The following NVL variants were observed in gnomAD, a reference collection of about 807,000 sequenced individuals.
NVL encodes the protein nuclear VCP like, also known as nuclear valosin-containing protein-like.
Under a neutral mutation model 110.2 loss-of-function variants are expected in NVL, and 84 were observed. The ratio of observed to expected loss-of-function variants is 0.76; its 90% CI spans 0.64 to 0.91. NVL has a LOEUF of 0.91. Among genes scored for constraint, NVL ranks in the 40% least tolerant of loss-of-function variants. NVL has a pLI of 0.00. For missense variants in NVL, 882 were observed against 1,035.9 expected (o/e 0.85, Z 2.04); for synonymous variants, 354 against 361.1 (o/e 0.98, Z 0.22).
At chr1:224,265,183 G>A (rs1445179701) in intron 18 of NVL, among the ~76,000 whole-genome samples, 2 of 152,060 alleles carry the variant, frequency 1.3e-5, no homozygotes, top group Non-Finnish European at 2.9e-5. Flanking sequence ...TGATTCATCT[G>A]CCATTTCTGC....
At chr1:224,317,853 A>C in intron 3 of NVL, 25 bp downstream of exon 3, 1 of 1,462,190 alleles carries the variant, frequency 6.8e-7, no homozygotes, top group Non-Finnish European at 9.1e-7. Context: ...TTTATTGATA[A>C]TTTAGCTCTA....
chr1:224,254,572 GTTTTTTTT>G (rs71168400), intron 18 of NVL, among the ~76,000 whole-genome samples: 1,769 of 134,242 alleles, frequency 0.013, 14 homozygotes, highest in Non-Finnish European at 0.018. Flanking sequence ...TGTTTTTTTT[GTTTTTTTT>G]TTTTTTGTAT....
chr1:224,239,219 C>T (rs1426969763), intron 19 of NVL, among the ~76,000 whole-genome samples: 6 of 151,990 alleles, frequency 3.9e-5, no homozygotes, highest in African/African-American at 4.8e-5. Context: ...TAACACTGGG[C>T]GAGGAATTAG....
intron 18 of NVL, among the ~76,000 whole-genome samples, chr1:224,259,822 C>CT (rs60297397): frequency 0.019 from 2,562 of 135,280 alleles, 70 homozygotes; most frequent in African/African-American, 0.058. Flanking sequence ...ACCCAGCTAA[C>CT]TTTTTTTTTT....
chr1:224,238,917 T>C (rs1038751898), intron 19 of NVL, among the ~76,000 whole-genome samples: 1 of 152,156 alleles, frequency 6.6e-6, no homozygotes, highest in Admixed American at 6.6e-5. Context: ...ATCACCCCTA[T>C]CCGGCTCCAG....
At position 224,326,446 on chromosome 1, in the gene NVL, A is replaced by G; in HGVS notation, c.76T>C (p.Cys26Arg). Residue 26 changes from cysteine to arginine, a missense_variant, in exon 2 of 23, where the codon TGT becomes CGT. Cys to Arg is a radical substitution (Grantham distance 180). Transcript: ENST00000281701. ...ACTCCAATGTCCACATATTTGCCAC[A>G]TTTGTTACTGGTAAGGTACTAAAAC... ...RVIQYLTSNK[C>R]GKYVDIGVLA... The G allele has an allele frequency of 6.2e-7, 1 of 1,611,874 alleles. No individual in the cohort carries two copies. Among genetic ancestry groups the G allele is most frequent in the Non-Finnish European group, 8.5e-7 (1 of 1,178,374 alleles).
At chr1:224,245,482 TC>T (rs1661699753) in intron 19 of NVL, among the ~76,000 whole-genome samples, 1 of 152,282 alleles carries the variant, frequency 6.6e-6, no homozygotes, top group Non-Finnish European at 1.5e-5. Flanking sequence ...TGCATGTGGG[TC>T]CTGCTCCTCC....
At chr1:224,295,535 G>C in intron 11 of NVL, among the ~76,000 whole-genome samples, 1 of 151,894 alleles carries the variant, frequency 6.6e-6, no homozygotes, top group Non-Finnish European at 1.5e-5. Flanking sequence ...AGCCATGAAA[G>C]CATTTTCTCA....
At chr1:224,252,109 G>A (rs924185889) in intron 18 of NVL, among the ~76,000 whole-genome samples, 1 of 151,958 alleles carries the variant, frequency 6.6e-6, no homozygotes, top group Non-Finnish European at 1.5e-5. Flanking sequence ...CAGATGTCTT[G>A]CTGTTCCCTA....
intron 19 of NVL, among the ~76,000 whole-genome samples, chr1:224,242,837 T>TC (rs913056748): frequency 1.3e-5 from 2 of 151,090 alleles, no homozygotes; most frequent in African/African-American, 4.9e-5. Context: ...TTTTTTTTTT[T>TC]TTTTTTGAGA....
chr1:224,307,988 T>G lies in NVL; in HGVS notation c.615+3A>C. The G allele has an allele frequency of 6.6e-7, 1 of 1,512,942 alleles. No homozygotes were observed. The highest frequency in any genetic ancestry group is 8.8e-7 in the Non-Finnish European group (1 of 1,133,240). 93.7% of individuals were successfully genotyped at this position (1,512,942 alleles called of 1,614,324 possible). ...TGGGGCTAAAATTTCATTACAAAAA[T>G]ACCTGTATCTCAGTTATTGGCTTCT... is the stretch of plus-strand genomic sequence containing the variant. On this transcript the variant is annotated splice_donor_region_variant and intron_variant, in intron 6 of 22. Transcript: ENST00000281701.
chr1:224,312,367 G>A (rs1177254458), intron 4 of NVL, among the ~76,000 whole-genome samples: 1 of 152,112 alleles, frequency 6.6e-6, no homozygotes, highest in Non-Finnish European at 1.5e-5. Context: ...TGTTCATGAG[G>A]GATGAAGGAG....
chr1:224,317,567 C>G, intron 4 of NVL, 127 bp downstream of exon 4: 1 of 626,486 alleles, frequency 1.6e-6, no homozygotes, highest in Non-Finnish European at 2.8e-6. Context: ...TTCAATATGG[C>G]TGAAGAGGTT....
At chr1:224,312,040 C>A in intron 4 of NVL, 183 bp from the exon 5 acceptor site, 1 of 521,880 alleles carries the variant, frequency 1.9e-6, no homozygotes, top group Non-Finnish European at 3.4e-6. Flanking sequence ...CCTCTCTAAG[C>A]GTCAGCTTCC....
At chr1:224,241,882 G>C (rs192251977) in intron 19 of NVL, among the ~76,000 whole-genome samples, 138 of 148,962 alleles carry the variant, frequency 9.3e-4, no homozygotes, top group Admixed American at 1.8e-3. Flanking sequence ...AAAAGAAAAA[G>C]AAAAACAGGT....
rs1662323208 is a variant in NVL, at chr1:224,250,316, T to C, written c.2185A>G (p.Ile729Val). The change falls in exon 19 of 23, where the codon ATA becomes GTA. Residue 729 changes from isoleucine (I) to valine (V), a missense_variant and splice_region_variant. By Grantham distance (29) the Ile-to-Val change is conservative. Coordinates refer to ENST00000281701, the MANE Select transcript of NVL (RefSeq NM_002533.4). ...GGGCGCAGGATTGCAGGGTCAATTA[T>C]ATCTAGAGAAGAAGGGAGAAAAAAA... ...FIMAATNRPD[I>V]IDPAILRPGR... is the part of the protein sequence containing the mutation. 2.6e-6 allele frequency: 4 copies of C among 1,560,300 alleles called. No individual in the cohort carries two copies. The highest frequency in any genetic ancestry group is 2.6e-6 in the Non-Finnish European group (3 of 1,160,470).
At chr1:224,290,524 A>G (rs6690589) in intron 12 of NVL, among the ~76,000 whole-genome samples, 152,094 of 152,126 alleles carry the variant, frequency 1, 76,031 homozygotes, top group Middle Eastern at 1. Context: ...GGGCATGGCC[A>G]GGCACAGTGG....
intron 20 of NVL, among the ~76,000 whole-genome samples, chr1:224,235,198 C>T (rs956332597): frequency 9.9e-5 from 15 of 152,060 alleles, no homozygotes; most frequent in Admixed American, 6.6e-4. Flanking sequence ...GATGGAGTGT[C>T]GCTCTGTTGC....
intron 7 of NVL, 64 bp from the exon 8 acceptor site, chr1:224,304,876 AAT>A: frequency 6.7e-7 from 1 of 1,499,406 alleles, no homozygotes. Flanking sequence ...AATTATAATG[AAT>A]AGTCTTTAAG....
Sources: allele counts gnomAD v4.1 joint callset (sites outside exome capture counted in the v4.1 genomes callset), GRCh38; gene constraint gnomAD v4.1.1; transcripts MANE v1.5; gene names NCBI Gene and HGNC (gene_info 2026-07-23, HGNC 2026-07-21).